The following HTR1F variants were observed in gnomAD, a reference collection of about 807,000 sequenced individuals.
HTR1F encodes the protein 5-hydroxytryptamine receptor 1F, also known as 5-hydroxytryptamine (serotonin) receptor 1F, G protein-coupled.
HTR1F carries 17 observed loss-of-function variants against 24.0 expected under a neutral mutation model. The observed-to-expected ratio is 0.71, with a 90% CI of 0.48 to 1.06. HTR1F has a LOEUF of 1.06. HTR1F is among the 50% of genes least tolerant of loss of function. HTR1F has a pLI of 0.00. For synonymous variants in HTR1F, 186 were observed against 156.8 expected, an observed-to-expected ratio of 1.19 and a Z score of -1.39; for missense variants, 391 against 427.8, an observed-to-expected ratio of 0.91 and a Z score of 0.76.
At chr3:87,978,541 C>G (rs1475288718) in intron 2 of HTR1F, among the ~76,000 whole-genome samples, 2 of 152,112 alleles carry the variant, frequency 1.3e-5, no homozygotes, top group Non-Finnish European at 2.9e-5. Flanking sequence ...CATCCACAGG[C>G]AGGTTGTCTG....
chr3:87,915,112 C>A (rs1703864857), intron 2 of HTR1F, among the ~76,000 whole-genome samples: 2 of 152,250 alleles, frequency 1.3e-5, no homozygotes, highest in East Asian at 3.9e-4. Context: ...ACAATCACTG[C>A]AGCTCGTCTG....
chr3:87,975,322 T>C (rs568161301), intron 2 of HTR1F, among the ~76,000 whole-genome samples: 1 of 152,022 alleles, frequency 6.6e-6, no homozygotes, highest in Non-Finnish European at 1.5e-5. Context: ...AAATCCAAAT[T>C]TTGGAATCCA....
intron 1 of HTR1F, among the ~76,000 whole-genome samples, chr3:87,795,975 T>C (rs1457960285): frequency 1.3e-5 from 2 of 152,188 alleles, no homozygotes; most frequent in Non-Finnish European, 2.9e-5. Context: ...TAACCCAGGG[T>C]ACAGAGCTCG....
chr3:87,890,182 G>T (rs1223948677), intron 2 of HTR1F, among the ~76,000 whole-genome samples: 1 of 152,308 alleles, frequency 6.6e-6, no homozygotes, highest in East Asian at 1.9e-4. Context: ...TGAAGGGTTT[G>T]CTCTTTGTGT....
chr3:87,911,597 A>T (rs1703779851), intron 2 of HTR1F, among the ~76,000 whole-genome samples: 3 of 152,178 alleles, frequency 2.0e-5, no homozygotes, highest in African/African-American at 7.2e-5. Context: ...CATTATCCTA[A>T]TACCAAAATG....
intron 2 of HTR1F, among the ~76,000 whole-genome samples, chr3:87,880,727 C>T (rs1013579980): frequency 5.3e-5 from 8 of 150,940 alleles, no homozygotes; most frequent in African/African-American, 1.5e-4. Context: ...GAGACAGAAG[C>T]TGACAAAGAG....
intron 2 of HTR1F, among the ~76,000 whole-genome samples, chr3:87,847,895 T>G (rs913684464): frequency 6.6e-6 from 1 of 151,936 alleles, no homozygotes; most frequent in Non-Finnish European, 1.5e-5. Flanking sequence ...TGGCTGAATA[T>G]TTCATTGTGC....
chr3:87,859,152 C>T (rs1265193685), intron 2 of HTR1F, among the ~76,000 whole-genome samples: 1 of 152,144 alleles, frequency 6.6e-6, no homozygotes. Flanking sequence ...GAGCCAAGAT[C>T]GTGCCACTGC....
At chr3:87,913,033 A>T (rs1337945173) in intron 2 of HTR1F, among the ~76,000 whole-genome samples, 1 of 152,118 alleles carries the variant, frequency 6.6e-6, no homozygotes, top group Non-Finnish European at 1.5e-5. Flanking sequence ...CAATAGGCAA[A>T]TATTTTATGA....
At chr3:87,989,552 A>AT (rs948441034) in intron 2 of HTR1F, among the ~76,000 whole-genome samples, 15 of 152,054 alleles carry the variant, frequency 9.9e-5, no homozygotes, top group African/African-American at 2.9e-4. Flanking sequence ...GGATATACTA[A>AT]TTTTTTTTGC....
At chr3:87,933,614 A>G (rs890060507) in intron 2 of HTR1F, among the ~76,000 whole-genome samples, 1 of 152,214 alleles carries the variant, frequency 6.6e-6, no homozygotes, top group African/African-American at 2.4e-5. Flanking sequence ...ATTGCTTCAA[A>G]GAGAATAAAA....
chr3:87,880,646 TTG>T (rs10540515), intron 2 of HTR1F, among the ~76,000 whole-genome samples: 2,649 of 146,758 alleles, frequency 0.018, 37 homozygotes, highest in African/African-American at 0.049. Context: ...GTGTGTTTGT[TTG>T]TGTGTGTGTG....
chr3:87,935,972 T>A (rs1464202491), intron 2 of HTR1F, among the ~76,000 whole-genome samples: 2 of 152,112 alleles, frequency 1.3e-5, no homozygotes, highest in Admixed American at 1.3e-4. Flanking sequence ...TGCCTCAGCC[T>A]CCTGAGTAGC....
chr3:87,984,503 G>T (rs569083802), intron 2 of HTR1F, among the ~76,000 whole-genome samples: 1 of 151,936 alleles, frequency 6.6e-6, no homozygotes, highest in Non-Finnish European at 1.5e-5. Context: ...CGCTTCTGTT[G>T]CCCAAGCTGG....
intron 2 of HTR1F, among the ~76,000 whole-genome samples, chr3:87,895,588 C>G (rs960171643): frequency 1.3e-5 from 2 of 152,030 alleles, no homozygotes; most frequent in Non-Finnish European, 2.9e-5. Flanking sequence ...AATACATCTT[C>G]GGATTTTACC....
chr3:87,816,753 T>C (rs1302445696), intron 1 of HTR1F, among the ~76,000 whole-genome samples: 1 of 152,126 alleles, frequency 6.6e-6, no homozygotes, highest in African/African-American at 2.4e-5. Context: ...CTTCTGTACG[T>C]AGTGACTAGT....
chr3:87,855,749 G>A (rs559505477), intron 2 of HTR1F, among the ~76,000 whole-genome samples: 5 of 152,094 alleles, frequency 3.3e-5, no homozygotes, highest in Admixed American at 6.6e-5. Flanking sequence ...GCATCATTCT[G>A]AGTAGCATGA....
intron 2 of HTR1F, among the ~76,000 whole-genome samples, chr3:87,924,394 T>G (rs1371816525): frequency 6.6e-6 from 1 of 152,182 alleles, no homozygotes; most frequent in African/African-American, 2.4e-5. Flanking sequence ...TGCTTATCTT[T>G]GCAGTTTTGT....
chr3:87,991,601 A>G lies in HTR1F; in HGVS notation c.852A>G (p.Ser284=). 2 of 1,613,692 alleles carry G rather than the reference A, an allele frequency of 1.2e-6. No individual in the cohort carries two copies. Among genetic ancestry groups the G allele is most frequent in the Non-Finnish European group, 1.7e-6 (2 of 1,179,658 alleles). Residue 284 remains serine, a synonymous_variant, in exon 3 of 3, where the codon TCA becomes TCG. Coordinates refer to ENST00000319595, the MANE Select transcript of HTR1F (RefSeq NM_001322209.2). The stretch of plus-strand genomic sequence containing the variant: ...AATCTTGGAGAAGGCAAAAGATCTC[A>G]GGTACAAGAGAACGGAAAGCAGCCA... ...HEKSWRRQKI[S]GTRERKAATT...
Sources: gnomAD v4.1 joint callset for allele counts (sites outside exome capture counted in the v4.1 genomes callset) on GRCh38, gnomAD v4.1.1 for gene constraint, MANE v1.5 for transcripts, NCBI Gene and HGNC (gene_info 2026-07-23, HGNC 2026-07-21) for gene names.